Variants in PTBP3 observed in about 807,000 individuals in gnomAD.
PTBP3 encodes polypyrimidine tract binding protein 3, also known as polypyrimidine tract-binding protein 3.
In PTBP3, 20 loss-of-function variants were observed where a neutral mutation model predicts 58.7. That is an observed-to-expected ratio of 0.34 (90% CI 0.24 to 0.50). The LOEUF is 0.50. Ranked by LOEUF, PTBP3 falls within the 20% of genes least tolerant of loss-of-function variation. PTBP3 has a pLI of 0.98. For synonymous variants in PTBP3, 185 were observed against 219.8 expected (o/e 0.84, Z 1.40); for missense variants, 509 against 637.2 (o/e 0.80, Z 2.17).
At chr9:112,360,236 T>G in the PTBP3 span, among the ~76,000 whole-genome samples, 1 of 152,078 alleles carries the variant, frequency 6.6e-6, no homozygotes, top group Non-Finnish European at 1.5e-5. Context: ...CAGGCTGGAG[T>G]GCAGTGATGC....
chr9:112,357,214 G>A, the PTBP3 span, among the ~76,000 whole-genome samples: 3 of 152,034 alleles, frequency 2.0e-5, no homozygotes, highest in South Asian at 2.1e-4. Context: ...ATACTAAGAC[G>A]TGGAAATTCT....
intron 1 of PTBP3, chr9:112,330,381 G>C (rs1830319069): frequency 2.4e-6 from 3 of 1,247,344 alleles, no homozygotes; most frequent in African/African-American, 1.5e-5. Flanking sequence ...GAACAGGTGA[G>C]ACTGAAAATA....
At chr9:112,364,900 A>G in the PTBP3 span, among the ~76,000 whole-genome samples, 3 of 151,362 alleles carry the variant, frequency 2.0e-5, no homozygotes, top group East Asian at 5.8e-4. Context: ...TACTGACCCT[A>G]TCTAACAGTT....
chr9:112,330,941 A>G (rs1052701637), intron 1 of PTBP3, among the ~76,000 whole-genome samples: 4 of 152,314 alleles, frequency 2.6e-5, no homozygotes, highest in South Asian at 4.1e-4. Context: ...TCACCAAAAT[A>G]TAGTTAAGAC....
chr9:112,369,051 T>C, the PTBP3 span, among the ~76,000 whole-genome samples: 2 of 152,176 alleles, frequency 1.3e-5, no homozygotes, highest in Non-Finnish European at 2.9e-5. Flanking sequence ...GAATTAAGGA[T>C]TGGGAACCTC....
chr9:112,218,499 G>A lies in PTBP3; in HGVS notation c.*5352C>T, dbSNP rs1304649393. On this transcript the variant is annotated 3_prime_UTR_variant, in exon 14 of 14. Transcript: ENST00000374257. The stretch of plus-strand genomic sequence containing the variant: ...CATGCTACAATGCTATATTTGTTAG[G>A]AAAAGAGATTAGAGATATCAAGTAA... 2.0e-5 allele frequency: 3 copies of A among 152,586 alleles called. No individual in the cohort carries two copies. Among genetic ancestry groups the A allele is most frequent in the Non-Finnish European group, 4.4e-5 (3 of 68,040 alleles). 9.5% of individuals were successfully genotyped at this position (152,586 alleles called of 1,614,324 possible). A position where few individuals can be genotyped will look rare whatever the true frequency, so the allele number is the denominator to read the frequency against.
the PTBP3 span, among the ~76,000 whole-genome samples, chr9:112,371,436 C>G: frequency 6.6e-6 from 1 of 152,212 alleles, no homozygotes; most frequent in African/African-American, 2.4e-5. Flanking sequence ...CCTAATTCAT[C>G]TGTTTCAACT....
At chr9:112,374,880 C>T in the PTBP3 span, among the ~76,000 whole-genome samples, 1 of 152,198 alleles carries the variant, frequency 6.6e-6, no homozygotes, top group Non-Finnish European at 1.5e-5. Context: ...TATAATCAAC[C>T]TGCCACCAGG....
chr9:112,244,574 G>C (rs1039969591), intron 7 of PTBP3, among the ~76,000 whole-genome samples: 1 of 151,934 alleles, frequency 6.6e-6, no homozygotes, highest in African/African-American at 2.4e-5. Flanking sequence ...GGCTACTCAG[G>C]AGGCTGAGGT....
chr9:112,336,511 T>C (rs566758668), upstream of PTBP3, among the ~76,000 whole-genome samples: 6 of 57,896 alleles, frequency 1.0e-4, no homozygotes, highest in South Asian at 4.3e-3. Context: ...CTGGGCATGG[T>C]GGCTCACACC....
the PTBP3 span, among the ~76,000 whole-genome samples, chr9:112,358,522 C>T: frequency 6.6e-6 from 1 of 152,170 alleles, no homozygotes; most frequent in Non-Finnish European, 1.5e-5. Flanking sequence ...TGTGTATATC[C>T]TCTGAGCAAA....
chr9:112,240,348 C>T (rs184604998), intron 7 of PTBP3, among the ~76,000 whole-genome samples: 2 of 152,166 alleles, frequency 1.3e-5, no homozygotes, highest in Non-Finnish European at 2.9e-5. Context: ...TCATGTGCAG[C>T]GGAGCGGTCA....
Position 112,304,776 on chromosome 9 carries a change from T to C in PTBP3, c.-51-6860A>G, listed in dbSNP as rs147312127. Among the ~76,000 whole-genome samples, 22 of 152,272 alleles carry C rather than the reference T, an allele frequency of 1.4e-4. No homozygotes were observed. In the East Asian group the frequency reaches 4.2e-3, roughly 29 times the overall value. On this transcript the variant is annotated intron_variant, in intron 1 of 13. Transcript: ENST00000374257. ...CAGAAAAATTTTTTTTATTATACTT[T>C]ACTCTACTGATTGATCGCTTATTTT...
At chr9:112,255,228 C>T (rs1365207548) in intron 5 of PTBP3, among the ~76,000 whole-genome samples, 4 of 151,836 alleles carry the variant, frequency 2.6e-5, no homozygotes, top group Admixed American at 6.6e-5. Context: ...TAAAGAGTTC[C>T]GTTTAATGGG....
intron 8 of PTBP3, among the ~76,000 whole-genome samples, chr9:112,233,275 G>A (rs938247759): frequency 2.4e-3 from 12 of 4,976 alleles, no homozygotes. Flanking sequence ...ACTGTAGGGT[G>A]TGTGTGTGTG....
At chr9:112,318,699 G>A (rs906000865) in intron 1 of PTBP3, among the ~76,000 whole-genome samples, 2 of 151,732 alleles carry the variant, frequency 1.3e-5, no homozygotes, top group Non-Finnish European at 2.9e-5. Context: ...GGCAGAGGTT[G>A]CAGTGAGCTG....
intron 1 of PTBP3, among the ~76,000 whole-genome samples, chr9:112,325,394 T>C (rs187269955): frequency 1.4e-4 from 21 of 152,240 alleles, no homozygotes; most frequent in African/African-American, 4.1e-4. Context: ...GGTGGCCTGG[T>C]ATTCAACCTG....
At chr9:112,292,885 G>A (rs1258126145) in intron 2 of PTBP3, among the ~76,000 whole-genome samples, 1 of 152,110 alleles carries the variant, frequency 6.6e-6, no homozygotes, top group Non-Finnish European at 1.5e-5. Flanking sequence ...ACTCAAAAAT[G>A]TACAAGATGG....
chr9:112,302,984 C>A (rs1016357440), intron 1 of PTBP3, among the ~76,000 whole-genome samples: 1 of 151,958 alleles, frequency 6.6e-6, no homozygotes, highest in African/African-American at 2.4e-5. Flanking sequence ...TTTTCTCATT[C>A]GATAAACTGT....
Sources: allele counts gnomAD v4.1 joint callset (sites outside exome capture counted in the v4.1 genomes callset), GRCh38; gene constraint gnomAD v4.1.1; transcripts MANE v1.5; gene names NCBI Gene and HGNC (gene_info 2026-07-23, HGNC 2026-07-21).